XXYLT1: variants seen among roughly 807,000 people sequenced by gnomAD.
XXYLT1 encodes the protein xyloside xylosyltransferase 1, also known as UDP-xylose:alpha-xyloside alpha-1,3-xylosyltransferase.
In XXYLT1, 20 loss-of-function variants were observed where a neutral mutation model predicts 28.9. The observed-to-expected ratio is 0.69, with a 90% confidence interval of 0.49 to 1.00. The LOEUF (loss-of-function observed/expected upper bound fraction) is 1.00. Ranked by LOEUF, XXYLT1 falls within the 50% of genes least tolerant of loss-of-function variation. The probability of loss-of-function intolerance (pLI) is 0.00; values close to 1 mark genes in which losing one functional copy is unlikely to be tolerated. For missense variants in XXYLT1, 542 were observed against 560.1 expected, an observed-to-expected ratio of 0.97 and a Z score of 0.33; for synonymous variants, 257 against 253.8, an observed-to-expected ratio of 1.01 and a Z score of -0.12.
At chr3:195,132,461 G>A (rs1283666663) in intron 3 of XXYLT1, among the ~76,000 whole-genome samples, 1 of 150,718 alleles carries the variant, frequency 6.6e-6, no homozygotes, top group South Asian at 2.1e-4. Flanking sequence ...ACTGAGACTC[G>A]GTCTCCAAAA....
At chr3:195,100,385 G>T (rs6783258) in intron 3 of XXYLT1, among the ~76,000 whole-genome samples, 1 of 152,102 alleles carries the variant, frequency 6.6e-6, no homozygotes, top group Non-Finnish European at 1.5e-5. Context: ...AGTGTGCTTT[G>T]GCCAGGACAA....
At chr3:195,251,430 C>T (rs955970247) in intron 1 of XXYLT1, among the ~76,000 whole-genome samples, 3 of 152,200 alleles carry the variant, frequency 2.0e-5, no homozygotes, top group Admixed American at 6.5e-5. Context: ...GCCAGGCCCC[C>T]GGCCCTTCTC....
chr3:195,138,818 G>A (rs1188934119), intron 3 of XXYLT1, among the ~76,000 whole-genome samples: 5 of 143,088 alleles, frequency 3.5e-5, no homozygotes, highest in Non-Finnish European at 7.5e-5. Flanking sequence ...TTGCACCACT[G>A]CAGTCCAGCC....
rs926287011 is a variant in XXYLT1 at position 195,133,208 on chromosome 3, C to T, written c.785+23241G>A. Among the ~76,000 whole-genome samples the T allele has an allele frequency of 1.3e-5, 2 of 152,160 alleles. No individual in the cohort carries two copies. The highest frequency in any genetic ancestry group is 2.9e-5 in the Non-Finnish European group (2 of 68,036). On this transcript the variant is annotated intron_variant, in intron 3 of 3. Transcript: ENST00000310380. The surrounding 1 kb of genome is among the most constrained non-coding windows in gnomAD (Gnocchi z 4.4). ...AAAGACGGCTGAAGCCCCAGGTGCC[C>T]CGCCTGCTGAGCAGACAGATGGCTG...
rs1369991280 is a variant in XXYLT1, at chr3:195,110,903, G to GC, written c.786-40793_786-40792insG. Among the ~76,000 whole-genome samples, 12 of 38,254 alleles carry GC rather than the reference G, an allele frequency of 3.1e-4. 1 individual carries two copies. The highest frequency in any genetic ancestry group is 6.2e-4 in the Non-Finnish European group (11 of 17,676). 25.1% of individuals were successfully genotyped at this position (38,254 alleles called of 152,430 possible). On this transcript the variant is annotated intron_variant, in intron 3 of 3. Transcript: ENST00000310380. ...TGTATGTGTGCGTGTGTGTGGGTGA[G>GC]GTGTGTGGTGTGTGTGTGTGGTGTG... is the stretch of plus-strand genomic sequence containing the variant.
chr3:195,263,166 T>A (rs2108856582), intron 1 of XXYLT1, among the ~76,000 whole-genome samples: 1 of 152,330 alleles, frequency 6.6e-6, no homozygotes, highest in Middle Eastern at 3.4e-3. Context: ...GGTATTCAAC[T>A]TTTCCAAGTC....
intron 2 of XXYLT1, among the ~76,000 whole-genome samples, chr3:195,219,401 T>A (rs1723721915): frequency 6.6e-6 from 1 of 152,066 alleles, no homozygotes; most frequent in African/African-American, 2.4e-5. Context: ...AAATTTTACT[T>A]AAGGAAAAAA....
Position 195,069,928 on chromosome 3 carries a change from G to C in XXYLT1, c.969C>G (p.His323Gln), listed in dbSNP as rs771674482. 7.4e-6 allele frequency: 12 copies of C among 1,613,424 alleles called. No homozygotes were observed. In the South Asian group the frequency reaches 7.7e-5, roughly 10 times the overall value. ...CCTGGTCCCCGAGGTGGCCGCGGAA[G>C]TGGTACTTGTCGGCCAGCTGCTGCA... is the stretch of plus-strand genomic sequence containing the variant. Reference protein sequence around the residue: ...AQVQQLADKYHFRGHLGDQDF... With the variant: ...AQVQQLADKYQFRGHLGDQDF... The change falls in exon 4 of 4, where the codon CAC becomes CAG. Residue 323 changes from histidine to glutamine, a missense_variant. His to Gln is a conservative substitution (Grantham distance 24). Transcript: ENST00000310380.
intron 2 of XXYLT1, among the ~76,000 whole-genome samples, chr3:195,194,398 G>A (rs1246333751): frequency 6.6e-6 from 1 of 152,102 alleles, no homozygotes; most frequent in African/African-American, 2.4e-5. Context: ...AATGGCTGTA[G>A]TAAGAAGACT....
intron 2 of XXYLT1, among the ~76,000 whole-genome samples, chr3:195,184,962 C>T (rs745531151): frequency 7.0e-4 from 107 of 152,158 alleles, no homozygotes; most frequent in Non-Finnish European, 1.1e-3. Context: ...TTTTACAAAC[C>T]ATACAAATCA....
chr3:195,118,520 C>G (rs977933199), intron 3 of XXYLT1, among the ~76,000 whole-genome samples: 2 of 41,874 alleles, frequency 4.8e-5, no homozygotes, highest in Non-Finnish European at 1.2e-4. Context: ...GCAGAAGGAA[C>G]GGAAGATGAG....
At chr3:195,200,564 C>T (rs1722809594) in intron 2 of XXYLT1, among the ~76,000 whole-genome samples, 1 of 152,190 alleles carries the variant, frequency 6.6e-6, no homozygotes, top group Admixed American at 6.5e-5. Flanking sequence ...TGGCTCCTCC[C>T]AGGCAAGGGC....
At chr3:195,140,098 G>A (rs1399504467) in intron 3 of XXYLT1, among the ~76,000 whole-genome samples, 1 of 152,192 alleles carries the variant, frequency 6.6e-6, no homozygotes, top group Non-Finnish European at 1.5e-5. Flanking sequence ...CTGACTTGTA[G>A]CTAATGTGCA....
rs779530745 is a variant in XXYLT1, at chr3:195,088,128, A to G, written c.786-18017T>C. On this transcript the variant is annotated intron_variant, in intron 3 of 3. Transcript: ENST00000310380. ...GGGGGAGGGGCGCCCGCCATTGCCC[A>G]GGCTTGATTAGGTAAACAAAGCAGC... Among the ~76,000 whole-genome samples the G allele has an allele frequency of 8.4e-3, 1,260 of 150,088 alleles. 13 individuals carry two copies. Among genetic ancestry groups the G allele is most frequent in the East Asian group, 1.0e-2 (51 of 5,110 alleles).
At chr3:195,082,281 G>A (rs1315193981) in intron 3 of XXYLT1, among the ~76,000 whole-genome samples, 1 of 152,172 alleles carries the variant, frequency 6.6e-6, no homozygotes, top group East Asian at 1.9e-4. Context: ...GGTGTATGCA[G>A]ATTCAGTTTT....
At chr3:195,137,728 C>G (rs1193978789) in intron 3 of XXYLT1, among the ~76,000 whole-genome samples, 2 of 152,194 alleles carry the variant, frequency 1.3e-5, no homozygotes, top group African/African-American at 2.4e-5. Flanking sequence ...AGGGAGAGGG[C>G]TCTGATGGAG....
chr3:195,107,918 T>G lies in XXYLT1; in HGVS notation c.786-37807A>C, dbSNP rs567262237. 2.9e-3 allele frequency among the ~76,000 whole-genome samples: 443 copies of G among 151,882 alleles called. 4 individuals are homozygous for G. Among genetic ancestry groups the G allele is most frequent in the African/African-American group, 0.01 (424 of 41,250 alleles). ...CAGTGGGGCCCTTCTTCCAGTCAGCTGCTGGCCAGTGCTGAGGAGGGTCCC... is the reference window on the plus strand; with the variant it reads ...CAGTGGGGCCCTTCTTCCAGTCAGCGGCTGGCCAGTGCTGAGGAGGGTCCC... On this transcript the variant is annotated intron_variant, in intron 3 of 3. Coordinates refer to ENST00000310380, the MANE Select transcript of XXYLT1 (RefSeq NM_152531.5).
intron 2 of XXYLT1, among the ~76,000 whole-genome samples, chr3:195,198,408 G>A (rs1258944891): frequency 6.6e-6 from 1 of 152,176 alleles, no homozygotes; most frequent in Non-Finnish European, 1.5e-5. Context: ...CGGAAGGCCA[G>A]GGGCCTGAAG....
At chr3:195,105,000 C>A (rs1717007992) in intron 3 of XXYLT1, among the ~76,000 whole-genome samples, 1 of 152,180 alleles carries the variant, frequency 6.6e-6, no homozygotes, top group African/African-American at 2.4e-5. Flanking sequence ...TGGGACAAGG[C>A]CTGAGAGCCT....
Sources: allele counts gnomAD v4.1 joint callset (sites outside exome capture counted in the v4.1 genomes callset), GRCh38; gene constraint gnomAD v4.1.1; non-coding constraint Gnocchi (gnomAD v3.1); transcripts MANE v1.5; gene names NCBI Gene and HGNC (gene_info 2026-07-23, HGNC 2026-07-21).